The following TENM3 variants were observed in gnomAD, a reference collection of about 807,000 sequenced individuals.
The protein encoded by TENM3 is teneurin-3.
In TENM3, 63 loss-of-function variants were observed where a neutral mutation model predicts 255.1. The ratio of observed to expected loss-of-function variants is 0.25; its 90% CI spans 0.20 to 0.30. The LOEUF (loss-of-function observed/expected upper bound fraction) is 0.30, where lower values mean the gene tolerates loss of function less well. Among genes scored for constraint, TENM3 ranks in the 10% least tolerant of loss-of-function variants. TENM3 has a pLI of 1.00. For synonymous variants in TENM3, 1,306 were observed against 1,322.3 expected (o/e 0.99, Z 0.27); for missense variants, 2,929 against 3,461.1 (o/e 0.85, Z 3.86).
At chr4:181,814,093 A>C in the TENM3 span, among the ~76,000 whole-genome samples, 2 of 152,206 alleles carry the variant, frequency 1.3e-5, no homozygotes, top group African/African-American at 4.8e-5. Context: ...ATCCCATTAA[A>C]GGCTTTAGAG....
intron 3 of TENM3, among the ~76,000 whole-genome samples, chr4:182,440,680 G>A (rs886444025): frequency 1.3e-5 from 2 of 152,160 alleles, no homozygotes; most frequent in African/African-American, 4.8e-5. Flanking sequence ...TTAACATGAC[G>A]ATGTGGATTT....
At chr4:181,548,796 A>G in the TENM3 span, among the ~76,000 whole-genome samples, 5 of 152,180 alleles carry the variant, frequency 3.3e-5, no homozygotes, top group Non-Finnish European at 5.9e-5. Flanking sequence ...GTATGATTTT[A>G]TTGTCAATGT....
rs7665334 is a variant in TENM3 at position 182,160,952 on chromosome 4, T to C, written c.-76+16198T>C. ...CATTGTACCCCATAGATATATACACTTGTCAATTAAAAATATAATCTAAAA... is the reference window on the plus strand; with the variant it reads ...CATTGTACCCCATAGATATATACACCTGTCAATTAAAAATATAATCTAAAA... On this transcript the variant is annotated intron_variant, in intron 1 of 2. Coordinates refer to the TENM3 transcript ENST00000512480. Among the ~76,000 whole-genome samples, 1,165 of 152,194 alleles carry C rather than the reference T, an allele frequency of 7.7e-3. 13 individuals carry two copies. Among genetic ancestry groups the C allele is most frequent in the African/African-American group, 0.027 (1,115 of 41,520 alleles).
rs1561153903 is a variant in TENM3 at position 182,161,850 on chromosome 4, CAAATAT to C, written c.-76+17098_-76+17103del. On this transcript the variant is annotated intron_variant, in intron 1 of 2. Transcript: ENST00000512480. ...ACACATATATATGTGTATATATACA[CAAATAT>C]ATATGTGTATATATGTGTATATATA... Among the ~76,000 whole-genome samples, 20 of 33,844 alleles carry C rather than the reference CAAATAT, an allele frequency of 5.9e-4. 7 individuals are homozygous for C. The highest frequency in any genetic ancestry group is 3.3e-3 in the Admixed American group (9 of 2,762). 22.2% of individuals were successfully genotyped at this position (33,844 alleles called of 152,430 possible).
chr4:182,182,364 T>A (rs1752896020), intron 1 of TENM3, among the ~76,000 whole-genome samples: 1 of 152,128 alleles, frequency 6.6e-6, no homozygotes, highest in African/African-American at 2.4e-5. Context: ...AATACCAAAT[T>A]TTGTCATGTA....
chr4:182,769,931 C>A (rs1764046216), intron 22 of TENM3, among the ~76,000 whole-genome samples: 1 of 151,814 alleles, frequency 6.6e-6, no homozygotes, highest in Non-Finnish European at 1.5e-5. Context: ...ATGGTGAAAT[C>A]CCGTATCTAC....
chr4:182,440,161 G>T (rs11943695), intron 3 of TENM3, among the ~76,000 whole-genome samples: 70,317 of 144,226 alleles, frequency 0.49, 17,312 homozygotes, highest in South Asian at 0.59. Flanking sequence ...TGCCCAGGCT[G>T]GAGTGCAGCC....
At chr4:181,875,101 T>C in the TENM3 span, among the ~76,000 whole-genome samples, 1 of 152,210 alleles carries the variant, frequency 6.6e-6, no homozygotes, top group Non-Finnish European at 1.5e-5. Flanking sequence ...AGCAAGTCTC[T>C]GTTCGCATTT....
the TENM3 span, among the ~76,000 whole-genome samples, chr4:181,650,889 C>T: frequency 1.3e-5 from 2 of 152,212 alleles, no homozygotes; most frequent in Admixed American, 6.5e-5. Flanking sequence ...GAGTCCTGTT[C>T]GAATTAAAAT....
chr4:182,748,338 C>G (rs1240673502), intron 19 of TENM3, among the ~76,000 whole-genome samples: 1 of 152,176 alleles, frequency 6.6e-6, no homozygotes. Flanking sequence ...TTCCCAAAAC[C>G]AAGCATTTTG....
intron 12 of TENM3, among the ~76,000 whole-genome samples, chr4:182,689,319 G>A (rs1168387919): frequency 1.3e-5 from 2 of 152,156 alleles, no homozygotes; most frequent in South Asian, 4.1e-4. Flanking sequence ...CGATGTATCC[G>A]TAAGTATTAT....
chr4:182,499,743 A>C (rs533262616), intron 3 of TENM3, among the ~76,000 whole-genome samples: 1 of 152,338 alleles, frequency 6.6e-6, no homozygotes, highest in East Asian at 1.9e-4. Flanking sequence ...ACAGAATATG[A>C]AGTTTAATAG....
chr4:182,684,673 G>A (rs1756440123), intron 11 of TENM3, among the ~76,000 whole-genome samples: 1 of 152,136 alleles, frequency 6.6e-6, no homozygotes, highest in Non-Finnish European at 1.5e-5. Flanking sequence ...GTAGAGGGTG[G>A]TGGTAGTAGT....
chr4:182,239,070 T>A, upstream of TENM3, among the ~76,000 whole-genome samples: 1 of 146,946 alleles, frequency 6.8e-6, no homozygotes, highest in South Asian at 2.1e-4. Context: ...TGTGTGTGTG[T>A]GTGTATTTTT....
chr4:181,804,597 C>T, the TENM3 span, among the ~76,000 whole-genome samples: 1 of 152,096 alleles, frequency 6.6e-6, no homozygotes, highest in African/African-American at 2.4e-5. Context: ...AATGCAGATA[C>T]AGAGGGAAAG....
chr4:182,688,139 G>C, intron 11 of TENM3, 27 bp from the exon 12 acceptor site: 1 of 1,559,736 alleles, frequency 6.4e-7, no homozygotes, highest in Non-Finnish European at 8.7e-7. Flanking sequence ...CTTCTCTCCT[G>C]TTTTGTGTCC....
chr4:182,174,445 GTT>G (rs34770548), intron 1 of TENM3, among the ~76,000 whole-genome samples: 3 of 135,384 alleles, frequency 2.2e-5, no homozygotes, highest in South Asian at 4.6e-4. Flanking sequence ...CTCTTTTTGT[GTT>G]TTTTTTTTTC....
chr4:182,336,078 A>G (rs1445996189), intron 2 of TENM3, among the ~76,000 whole-genome samples: 1 of 152,182 alleles, frequency 6.6e-6, no homozygotes, highest in East Asian at 1.9e-4. Context: ...CAGGAAATCA[A>G]TGGAAGCGGC....
intron 6 of TENM3, among the ~76,000 whole-genome samples, chr4:182,666,915 A>G (rs773210489): frequency 1.4e-4 from 22 of 152,020 alleles, no homozygotes; most frequent in Non-Finnish European, 2.6e-4. Flanking sequence ...AAAAAAAGGA[A>G]ATAATGCTAT....
Sources: gnomAD v4.1 joint callset for allele counts (sites outside exome capture counted in the v4.1 genomes callset) on GRCh38, gnomAD v4.1.1 for gene constraint, MANE v1.5 for transcripts, NCBI Gene and HGNC (gene_info 2026-07-23, HGNC 2026-07-21) for gene names.